NAT2: variants seen among roughly 807,000 people sequenced by gnomAD.
NAT2 encodes the protein N-acetyltransferase 2.
For synonymous variants in NAT2, 137 were observed against 125.9 expected, an observed-to-expected ratio of 1.09 and a Z score of -0.59; for missense variants, 428 against 339.1, an observed-to-expected ratio of 1.26 and a Z score of -2.06.
At chr8:18,399,706 A>G (rs1183574688) in intron 1 of NAT2, among the ~76,000 whole-genome samples, 1 of 152,150 alleles carries the variant, frequency 6.6e-6, no homozygotes, top group African/African-American at 2.4e-5. Context: ...GAACACCACA[A>G]ACAAGTTGTT....
Position 18,400,393 on chromosome 8 carries a change from G to T in NAT2, c.390G>T (p.Gln130His). Residue 130 changes from glutamine (Q) to histidine (H), a missense_variant, in exon 2 of 2, where the codon CAG (glutamine) becomes CAT (histidine). Transcript: ENST00000286479. ...IVDAGSGSSS[Q>H]MWQPLELISG... ...ATGCTGGGTCTGGAAGCTCCTCCCAGATGTGGCAGCCTCTAGAATTAATTT... is the reference window on the plus strand; with the variant it reads ...ATGCTGGGTCTGGAAGCTCCTCCCATATGTGGCAGCCTCTAGAATTAATTT... 1 of 1,612,038 alleles carries T rather than the reference G, an allele frequency of 6.2e-7. No individual in the cohort carries two copies. Among genetic ancestry groups the T allele is most frequent in the Non-Finnish European group, 8.5e-7 (1 of 1,179,304 alleles).
chr8:18,398,115 A>G (rs1322324161), intron 1 of NAT2, among the ~76,000 whole-genome samples: 4 of 152,322 alleles, frequency 2.6e-5, no homozygotes, highest in African/African-American at 9.6e-5. Flanking sequence ...CTTCAGAATA[A>G]AGACCCCAAC....
At position 18,400,150 on chromosome 8, in the gene NAT2, GTTGGGCTTAGAGGCTATTTTTGATCACA is replaced by G. The variant is rs1324313404; in HGVS notation, c.151_178del (p.Gly51Ter). Reference sequence around the variant, plus strand: ...ACATGCATTGTGGGCAAGCCATGGAGTTGGGCTTAGAGGCTATTTTTGATCACATTGTAAGAAGAAACCGGGGTGGGTG... The same window carrying G: ...ACATGCATTGTGGGCAAGCCATGGAGTTGTAAGAAGAAACCGGGGTGGGTG... On this transcript the variant is annotated frameshift_variant, in exon 2 of 2. Transcript: ENST00000286479. LOFTEE classifies it low-confidence loss of function (END_TRUNC). The G allele has an allele frequency of 1.2e-6, 2 of 1,613,918 alleles. No individual in the cohort carries two copies. Among genetic ancestry groups the G allele is most frequent in the Admixed American group, 3.3e-5 (2 of 59,988 alleles).
At chr8:18,388,925 G>T (rs1393129062), upstream of NAT2, among the ~76,000 whole-genome samples, 2 of 152,232 alleles carry the variant, frequency 1.3e-5, no homozygotes, top group Middle Eastern at 6.8e-3. Context: ...TGGTTTGAAG[G>T]TCTTGATGAC....
At position 18,399,916 on chromosome 8, in the gene NAT2, T is replaced by A. The variant is rs1800757647; in HGVS notation, c.-6-82T>A. 3.6e-6 allele frequency: 5 copies of A among 1,407,028 alleles called. No homozygotes were observed. The African/African-American group carries it at 5.8e-5, about 16-fold the overall frequency. 87.2% of individuals were successfully genotyped at this position (1,407,028 alleles called of 1,614,324 possible). A position where few individuals can be genotyped will look rare whatever the true frequency, so the allele number is the denominator to read the frequency against. On this transcript the variant is annotated intron_variant, in intron 1 of 1. Transcript: ENST00000286479. ...CCATTGTGTTTTTACGTATTTAAAA[T>A]ACGTTATACCTATAATTAGTCACAC...
chr8:18,386,769 A>ACTTCC (rs1800511784), upstream of NAT2, among the ~76,000 whole-genome samples: 1 of 151,992 alleles, frequency 6.6e-6, no homozygotes, highest in Non-Finnish European at 1.5e-5. Context: ...ACCTCTGGGA[A>ACTTCC]GCTCTCAGGC....
chr8:18,388,299 A>G (rs1451492695), upstream of NAT2, among the ~76,000 whole-genome samples: 1 of 152,192 alleles, frequency 6.6e-6, no homozygotes, highest in Admixed American at 6.5e-5. Context: ...AGAATTGAGA[A>G]TAAATTGTGA....
intron 1 of NAT2, among the ~76,000 whole-genome samples, chr8:18,393,082 G>C (rs13277605): frequency 2.6e-5 from 4 of 151,300 alleles, no homozygotes; most frequent in South Asian, 4.2e-4. Context: ...ACTTCTGCTT[G>C]TTGGCCAGTG....
Position 18,400,367 on chromosome 8 carries a change from G to C in NAT2, c.364G>C (p.Asp122His), listed in dbSNP as rs4986996. Residue 122 changes from aspartate to histidine, a missense_variant, in exon 2 of 2, where the codon GAT (aspartate) becomes CAT (histidine). Physicochemically the swap from Asp to His is moderately conservative, Grantham distance 81 (BLOSUM62 -1). Transcript: ENST00000286479. ...CATTGACGGCAGGAATTACATTGTCGATGCTGGGTCTGGAAGCTCCTCCCA... is the reference window on the plus strand; with the variant it reads ...CATTGACGGCAGGAATTACATTGTCCATGCTGGGTCTGGAAGCTCCTCCCA... ...VTIDGRNYIV[D>H]AGSGSSSQMW... The C allele has an allele frequency of 2.5e-6, 4 of 1,612,590 alleles. No individual in the cohort carries two copies. Among genetic ancestry groups the C allele is most frequent in the Non-Finnish European group, 3.4e-6 (4 of 1,179,390 alleles).
rs1205191005 is a variant in NAT2 at position 18,401,011 on chromosome 8, A to G, written c.*135A>G. The G allele has an allele frequency of 6.8e-5, 38 of 556,290 alleles. No individual in the cohort carries two copies. In the Admixed American group the frequency reaches 1.5e-3, roughly 22 times the overall value. The allele number at this position is 556,290 out of a possible 1,614,324, so 34.5% of individuals were successfully genotyped here. A position where few individuals can be genotyped will look rare whatever the true frequency, so the allele number is the denominator to read the frequency against. The stretch of plus-strand genomic sequence containing the variant: ...AAACATCAAATACTTTCATCCATAA[A>G]AATGTCAGCATTTATTAAAAAACAA... On this transcript the variant is annotated 3_prime_UTR_variant, in exon 2 of 2. Coordinates refer to ENST00000286479, the MANE Select transcript of NAT2 (RefSeq NM_000015.3).
At chr8:18,393,562 G>T (rs1245769465) in intron 1 of NAT2, among the ~76,000 whole-genome samples, 1 of 152,206 alleles carries the variant, frequency 6.6e-6, no homozygotes, top group Non-Finnish European at 1.5e-5. Context: ...TCATATTGCA[G>T]TGGCAATGTC....
At chr8:18,397,436 T>C (rs11785247) in intron 1 of NAT2, among the ~76,000 whole-genome samples, 4,800 of 152,166 alleles carry the variant, frequency 0.032, 95 homozygotes, top group Middle Eastern at 0.065. Flanking sequence ...TAATTTTATA[T>C]TTTTTTCTGA....
upstream of NAT2, among the ~76,000 whole-genome samples, chr8:18,386,798 G>A (rs549509458): frequency 8.8e-4 from 134 of 152,104 alleles, 1 homozygote; most frequent in African/African-American, 2.8e-3. Flanking sequence ...GAAGACTGGA[G>A]GGCCGGATCT....
upstream of NAT2, among the ~76,000 whole-genome samples, chr8:18,388,169 G>A (rs868456880): frequency 2.0e-4 from 31 of 152,200 alleles, no homozygotes; most frequent in African/African-American, 6.0e-4. Context: ...GCACCCAAGA[G>A]TTTTAAACTG....
At chr8:18,396,777 TTTAACA>T (rs1475891856) in intron 1 of NAT2, among the ~76,000 whole-genome samples, 1 of 152,186 alleles carries the variant, frequency 6.6e-6, no homozygotes, top group Non-Finnish European at 1.5e-5. Flanking sequence ...AAAAAATACG[TTTAACA>T]TTAAGGTTTA....
At chr8:18,388,828 G>C (rs1043041693), upstream of NAT2, among the ~76,000 whole-genome samples, 2 of 152,214 alleles carry the variant, frequency 1.3e-5, no homozygotes, top group East Asian at 3.8e-4. Context: ...TCTCTTACTT[G>C]TATGGTGAGG....
At chr8:18,390,879 G>C (rs575161647), upstream of NAT2, among the ~76,000 whole-genome samples, 23 of 152,230 alleles carry the variant, frequency 1.5e-4, no homozygotes, top group South Asian at 4.8e-3. Context: ...AGGCCTTATA[G>C]GAAGTGATGA....
chr8:18,399,894 TTG>T (rs1800757180), intron 1 of NAT2, 102 bp from the exon 2 acceptor site: 1 of 1,256,116 alleles, frequency 8.0e-7, no homozygotes, highest in African/African-American at 1.5e-5. Flanking sequence ...CTTATAACCA[TTG>T]TGTTTTTACG....
chr8:18,400,505 C>A lies in NAT2; in HGVS notation c.502C>A (p.Gln168Lys). Reference protein sequence around the residue: ...IWYLDQIRREQYITNKEFLNS... With the variant: ...IWYLDQIRREKYITNKEFLNS... ...GTACCTGGACCAAATCAGGAGAGAGCAGTATATTACAAACAAAGAATTTCT... is the reference window on the plus strand; with the variant it reads ...GTACCTGGACCAAATCAGGAGAGAGAAGTATATTACAAACAAAGAATTTCT... The change falls in exon 2 of 2, where the codon CAG becomes AAG. Residue 168 changes from glutamine (Q) to lysine (K), a missense_variant. Transcript: ENST00000286479. 6.2e-7 allele frequency: 1 copy of A among 1,613,374 alleles called. No individual in the cohort carries two copies.
Sources: gnomAD v4.1 joint callset for allele counts (sites outside exome capture counted in the v4.1 genomes callset) on GRCh38, gnomAD v4.1.1 for gene constraint, MANE v1.5 for transcripts, NCBI Gene and HGNC (gene_info 2026-07-23, HGNC 2026-07-21) for gene names.